The following CHTF18 variants were observed in gnomAD, a reference collection of about 807,000 sequenced individuals.
CHTF18 encodes chromosome transmission fidelity factor 18, also known as chromosome transmission fidelity protein 18 homolog.
In CHTF18, 151 loss-of-function variants were observed where a neutral mutation model predicts 113.4. That is an observed-to-expected ratio of 1.33 (90% CI 1.17 to 1.52). The LOEUF is 1.52. Ranked by LOEUF, CHTF18 falls within the 40% of genes most tolerant of loss-of-function variation. The probability of loss-of-function intolerance (pLI) is 0.00; values close to 1 mark genes in which losing one functional copy is unlikely to be tolerated. For missense variants in CHTF18, 1,982 were observed against 1,381.6 expected, an observed-to-expected ratio of 1.43 and a Z score of -6.89; for synonymous variants, 916 against 598.8, an observed-to-expected ratio of 1.53 and a Z score of -7.74.
chr16:796,150 T>C (rs899083021), intron 18 of CHTF18, 73 bp downstream of exon 18: 43 of 1,537,012 alleles, frequency 2.8e-5, no homozygotes, highest in Non-Finnish European at 3.4e-5. Flanking sequence ...AGGGCCCGCA[T>C]GGGGCCAGGA....
At chr16:790,320 C>T (rs376304766) in intron 5 of CHTF18, 27 bp from the exon 6 acceptor site, 221 of 1,611,758 alleles carry the variant, frequency 1.4e-4, no homozygotes, top group Non-Finnish European at 1.8e-4. Flanking sequence ...CCTGAGCCCT[C>T]CTGATTCCAG....
In CHTF18 at chr16:792,786, C is replaced by G. The variant is rs758557963; in HGVS notation, c.1547C>G (p.Ser516Trp). The change falls in exon 12 of 22, where the codon TCG becomes TGG. Residue 516 changes from serine to tryptophan, a missense_variant. Ser to Trp is a radical substitution (Grantham distance 177). Transcript: ENST00000262315. ...CTCCACTTCCCGCCGACTCTGCCCT[C>G]GAGGCTGGTGCAGCGGCTCCAGGAG... ...FLLHFPPTLPSRLVQRLQEVS... is the reference protein window; with the variant it reads ...FLLHFPPTLPWRLVQRLQEVS... 6.5e-7 allele frequency: 1 copy of G among 1,544,216 alleles called. No homozygotes were observed.
Position 795,216 on chromosome 16 carries a change from G to C in CHTF18, c.2035G>C (p.Asp679His), listed in dbSNP as rs749029988. Residue 679 changes from aspartate to histidine, a missense_variant, in exon 16 of 22, where the codon GAT becomes CAT. By Grantham distance (81) the Asp-to-His change is moderately conservative (BLOSUM62 -1). Coordinates refer to ENST00000262315, the MANE Select transcript of CHTF18 (RefSeq NM_022092.3). ...TGTGGCCCTCGACTGGCTGGCCTTC[G>C]ATGACCTGCTGGCGGGGGCTGCTCA... ...VCVALDWLAF[D>H]DLLAGAAHHS... 2.4e-5 allele frequency: 37 copies of C among 1,554,478 alleles called. No homozygotes were observed. The South Asian group carries it at 4.1e-4, about 17-fold the overall frequency.
In CHTF18 at chr16:789,669, G is replaced by A. The variant is rs945696518; in HGVS notation, c.560G>A (p.Arg187Gln). ...YVHVTSTEGV[R>Q]AYLVLRADPM... ...CACGTGACATCCACGGAGGGCGTCC[G>A]GGCTTATCTGGTGCTGCGTGCTGAC... is the stretch of plus-strand genomic sequence containing the variant. Residue 187 changes from arginine (R) to glutamine (Q), a missense_variant, in exon 4 of 22, where the codon CGG becomes CAG. Physicochemically the swap from Arg to Gln is conservative, Grantham distance 43. Transcript: ENST00000262315. The A allele has an allele frequency of 3.3e-5, 53 of 1,602,622 alleles. No individual in the cohort carries two copies. Among genetic ancestry groups the A allele is most frequent in the Non-Finnish European group, 3.6e-5 (43 of 1,179,508 alleles).
At chr16:795,095 G>A (rs1458641796) in intron 15 of CHTF18, 37 bp from the exon 16 acceptor site, 2 of 1,485,468 alleles carry the variant, frequency 1.3e-6, no homozygotes, top group Non-Finnish European at 1.8e-6. Flanking sequence ...CCTTCCCTGG[G>A]GTGGGCAGGA....
chr16:796,996 G>C lies in CHTF18; in HGVS notation c.2637G>C (p.Leu879=). The C allele has an allele frequency of 6.5e-7, 1 of 1,544,384 alleles. No homozygotes were observed. The highest frequency in any genetic ancestry group is 2.3e-5 in the East Asian group (1 of 43,708). ...DGSPPGLEGL[L]GGIGEKGVHR... is the part of the protein sequence containing the mutation. The stretch of plus-strand genomic sequence containing the variant: ...GCCCCCCAGGGCTCGAGGGTCTGCT[G>C]GGGGGCATTGGGGAGAAAGGGGTGC... Residue 879 remains leucine (L), a synonymous_variant, in exon 20 of 22, where the codon CTG becomes CTC. Coordinates refer to ENST00000262315, the MANE Select transcript of CHTF18 (RefSeq NM_022092.3).
rs1467163030 is a variant in CHTF18, at chr16:790,529, A to G, written c.757A>G (p.Arg253Gly). The stretch of plus-strand genomic sequence containing the variant: ...TCAGGACGTGGTCCTCTCCAGTCTC[A>G]GGTCGGGGGAGGAGGAGGCAGCCCA... ...QKLSDTLHSL[R>G]SGEEEAAQPL... Residue 253 changes from arginine to glycine, a missense_variant, in exon 7 of 22, where the codon AGG becomes GGG. Transcript: ENST00000262315. 2 of 1,599,250 alleles carry G rather than the reference A, an allele frequency of 1.3e-6. No homozygotes were observed. The highest frequency in any genetic ancestry group is 1.7e-6 in the Non-Finnish European group (2 of 1,174,074).
In CHTF18 at chr16:794,193, G is replaced by A; in HGVS notation, c.1942G>A (p.Val648Met). 1 of 1,611,326 alleles carries A rather than the reference G, an allele frequency of 6.2e-7. No individual in the cohort carries two copies. The highest frequency in any genetic ancestry group is 8.5e-7 in the Non-Finnish European group (1 of 1,178,874). The change falls in exon 15 of 22, where the codon GTG becomes ATG. Residue 648 changes from valine (V) to methionine (M), a missense_variant. By Grantham distance (21) the Val-to-Met change is conservative. Transcript: ENST00000262315. ...AAASAGEHEK[V>M]VQGLFDNFLR... ...TGCCTCTGCGGGCGAGCACGAGAAG[G>A]TGGTCCAGGTACCTGTCTTCCACCA...
intron 15 of CHTF18, 43 bp downstream of exon 15, chr16:794,244 T>A: frequency 6.3e-7 from 1 of 1,597,536 alleles, no homozygotes; most frequent in East Asian, 2.2e-5. Context: ...GCCGCCTGGC[T>A]AGGACCTGGG....
At position 790,620 on chromosome 16, in the gene CHTF18, T is replaced by A. The variant is rs756003241; in HGVS notation, c.848T>A (p.Val283Glu). The A allele has an allele frequency of 6.3e-7, 1 of 1,589,838 alleles. No homozygotes were observed. The highest frequency in any genetic ancestry group is 1.3e-5 in the African/African-American group (1 of 74,354). ...GQDASSHCLW[V>E]DEFAPRHYTE... is the part of the protein sequence containing the mutation. Reference sequence around the variant, plus strand: ...GACGCCTCCAGTCACTGCCTCTGGGTGGATGAGTTTGCACCCCGCCACTAC... The same window carrying A: ...GACGCCTCCAGTCACTGCCTCTGGGAGGATGAGTTTGCACCCCGCCACTAC... The change falls in exon 7 of 22, where the codon GTG (valine) becomes GAG (glutamate). Residue 283 changes from valine (V) to glutamate (E), a missense_variant. Coordinates refer to ENST00000262315, the MANE Select transcript of CHTF18 (RefSeq NM_022092.3).
intron 18 of CHTF18, 150 bp from the exon 19 acceptor site, chr16:796,567 C>T (rs2042354119): frequency 2.2e-6 from 2 of 912,990 alleles, no homozygotes; most frequent in South Asian, 1.9e-5. Flanking sequence ...CTGGCTGCCG[C>T]AGGGTTGGGG....
intron 19 of CHTF18, 22 bp downstream of exon 19, chr16:796,883 A>G: frequency 1.3e-6 from 2 of 1,574,660 alleles, no homozygotes; most frequent in Non-Finnish European, 8.6e-7. Context: ...CAGGCTCTGG[A>G]GCAGGTTGCA....
rs1485064909 is a variant in CHTF18, at chr16:789,813, C to T, written c.606+98C>T. The T allele has an allele frequency of 1.3e-5, 18 of 1,407,936 alleles. 1 individual carries two copies. The South Asian group carries it at 1.5e-4, about 12-fold the overall frequency. The allele number at this position is 1,407,936 out of a possible 1,614,324, so 87.2% of individuals were successfully genotyped here. A position where few individuals can be genotyped will look rare whatever the true frequency, so the allele number is the denominator to read the frequency against. ...CCCCTGCCATTTGCTTAAAGCGGGT[C>T]CTGTGCAGAGCCCCAGGGGTGCAGA... On this transcript the variant is annotated intron_variant, in intron 4 of 21. Transcript: ENST00000262315.
rs779532916 is a variant in CHTF18 at position 795,681 on chromosome 16, C to A, written c.2176-4C>A. The A allele has an allele frequency of 6.3e-7, 1 of 1,589,802 alleles. No homozygotes were observed. Among genetic ancestry groups the A allele is most frequent in the Admixed American group, 1.7e-5 (1 of 57,574 alleles). ...ACCAGGCCTTGGCTCACCCCCTGCC[C>A]CAGGCCCAGAACCGGATGAGCCAGA... On this transcript the variant is annotated splice_region_variant and splice_polypyrimidine_tract_variant and intron_variant, in intron 16 of 21. Coordinates refer to ENST00000262315, the MANE Select transcript of CHTF18 (RefSeq NM_022092.3).
At chr16:790,455 C>T (rs981581210) in intron 6 of CHTF18, 56 bp downstream of exon 6, 76 of 1,610,310 alleles carry the variant, frequency 4.7e-5, no homozygotes, top group Non-Finnish European at 5.3e-5. Context: ...GCACCAACTC[C>T]TAGCTCCTAG....
At position 789,658 on chromosome 16, in the gene CHTF18, G is replaced by C. The variant is rs549221063; in HGVS notation, c.549G>C (p.Thr183=). 1 of 1,604,934 alleles carries C rather than the reference G, an allele frequency of 6.2e-7. No homozygotes were observed. Among genetic ancestry groups the C allele is most frequent in the Non-Finnish European group, 8.5e-7 (1 of 1,179,672 alleles). ...AGGACTACGTCCACGTGACATCCAC[G>C]GAGGGCGTCCGGGCTTATCTGGTGC... is the stretch of plus-strand genomic sequence containing the variant. ...ILEDYVHVTS[T]EGVRAYLVLR... is the part of the protein sequence containing the mutation. Residue 183 remains threonine, a synonymous_variant, in exon 4 of 22, where the codon ACG becomes ACC. Transcript: ENST00000262315.
Position 796,742 on chromosome 16 carries a change from C to G in CHTF18, c.2482C>G (p.Pro828Ala). 6.2e-7 allele frequency: 1 copy of G among 1,604,738 alleles called. No homozygotes were observed. ...EPNVEELCRF[P>A]ELPARKPLTY... is the part of the protein sequence containing the mutation. Reference sequence around the variant, plus strand: ...GAACGTGGAGGAACTCTGCCGCTTCCCTGAGCTGCCTGCCCGCAAGCCCCT... The same window carrying G: ...GAACGTGGAGGAACTCTGCCGCTTCGCTGAGCTGCCTGCCCGCAAGCCCCT... Residue 828 changes from proline (P) to alanine (A), a missense_variant, in exon 19 of 22, where the codon CCT becomes GCT. Transcript: ENST00000262315.
chr16:793,235 C>T lies in CHTF18; in HGVS notation c.1763C>T (p.Ser588Leu), dbSNP rs768959386. ...GLKDQRRGLF[S>L]VWQEVFQLPR... ...AAGGACCAGCGCAGAGGGCTCTTCT[C>T]GGTGTGGCAGGAGGTCTTCCAGCTG... Residue 588 changes from serine (S) to leucine (L), a missense_variant, in exon 14 of 22, where the codon TCG (serine) becomes TTG (leucine). Ser to Leu is a moderately radical substitution (Grantham distance 145, BLOSUM62 -2). Coordinates refer to ENST00000262315, the MANE Select transcript of CHTF18 (RefSeq NM_022092.3). 90 of 1,608,910 alleles carry T rather than the reference C, an allele frequency of 5.6e-5. 1 individual carries two copies. The highest frequency in any genetic ancestry group is 6.7e-5 in the East Asian group (3 of 44,800).
At position 790,389 on chromosome 16, in the gene CHTF18, AC is replaced by A; in HGVS notation, c.745del (p.Leu249CysfsTer60). 1 of 1,612,228 alleles carries A rather than the reference AC, an allele frequency of 6.2e-7. No individual in the cohort carries two copies. Among genetic ancestry groups the A allele is most frequent in the Non-Finnish European group, 8.5e-7 (1 of 1,179,740 alleles). On this transcript the variant is annotated frameshift_variant, in exon 6 of 22. Coordinates refer to ENST00000262315, the MANE Select transcript of CHTF18 (RefSeq NM_022092.3). LOFTEE classifies it high-confidence loss of function. ...TCAGGAGGCCCAGAAGCTTTCAGACACCCTGCACAGGTGACTTGGTTGGCCC... is the reference window on the plus strand; with the variant it reads ...TCAGGAGGCCCAGAAGCTTTCAGACACCTGCACAGGTGACTTGGTTGGCCC... ...LLQEAQKLSD[T>X]LHSLRSGEEE...
Sources: allele counts gnomAD v4.1 joint callset, GRCh38; gene constraint gnomAD v4.1.1; transcripts MANE v1.5; gene names NCBI Gene and HGNC (gene_info 2026-07-23, HGNC 2026-07-21).